ADGRL2: variants seen among roughly 807,000 people sequenced by gnomAD.
ADGRL2 encodes the protein adhesion G protein-coupled receptor L2, also known as calcium-independent alpha-latrotoxin receptor 2.
ADGRL2 carries 44 observed loss-of-function variants against 157.4 expected under a neutral mutation model. That is an observed-to-expected ratio of 0.28 (90% CI 0.22 to 0.36). ADGRL2 has a LOEUF of 0.36. Ranked by LOEUF, ADGRL2 falls within the 10% of genes least tolerant of loss-of-function variation. ADGRL2 has a pLI of 1.00. For missense variants in ADGRL2, 1,510 were observed against 1,768.9 expected (o/e 0.85, Z 2.63); for synonymous variants, 585 against 624.7 (o/e 0.94, Z 0.95).
intron 3 of ADGRL2, among the ~76,000 whole-genome samples, chr1:81,928,776 A>T (rs17107493): frequency 0.031 from 4,712 of 152,148 alleles, 104 homozygotes; most frequent in South Asian, 0.12. Flanking sequence ...AATCCTGTGT[A>T]TGTTTTGTTT....
At chr1:81,713,707 T>C (rs1465781280) in intron 1 of ADGRL2, among the ~76,000 whole-genome samples, 1 of 152,162 alleles carries the variant, frequency 6.6e-6, no homozygotes, top group Admixed American at 6.5e-5. Flanking sequence ...ATGCTGCTGA[T>C]GAAAAATTGG....
At chr1:81,554,223 G>A (rs2080217737) in intron 2 of ADGRL2, among the ~76,000 whole-genome samples, 1 of 152,210 alleles carries the variant, frequency 6.6e-6, no homozygotes, top group Non-Finnish European at 1.5e-5. Flanking sequence ...AGCCACACCT[G>A]TAGGGATTCC....
chr1:81,448,129 C>G (rs375569738), intron 2 of ADGRL2, among the ~76,000 whole-genome samples: 2 of 134,692 alleles, frequency 1.5e-5, no homozygotes, highest in Non-Finnish European at 3.2e-5. Context: ...TTTTCTTTTT[C>G]TTTCTTTCTT....
intron 4 of ADGRL2, among the ~76,000 whole-genome samples, 160 bp from the exon 5 acceptor site, chr1:81,941,871 CTGT>C (rs1283087755): frequency 1.3e-5 from 2 of 151,800 alleles, no homozygotes; most frequent in African/African-American, 4.8e-5. Flanking sequence ...CTAGGTTTTC[CTGT>C]TGTGTGTTTC....
In ADGRL2 at chr1:81,690,853, C is replaced by G. The variant is rs544948792; in HGVS notation, c.-142-70958C>G. On this transcript the variant is annotated intron_variant, in intron 3 of 24. Coordinates refer to the ADGRL2 transcript ENST00000370721. ...GGTAGGTACATTCAGAATACGACTT[C>G]AAGAGGTTTATTTCCCGTTTGTAAT... is the stretch of plus-strand genomic sequence containing the variant. 2.5e-3 allele frequency among the ~76,000 whole-genome samples: 378 copies of G among 152,310 alleles called. 1 individual carries two copies. The highest frequency in any genetic ancestry group is 8.7e-3 in the African/African-American group (361 of 41,574).
At chr1:81,828,696 A>T (rs1187981777) in intron 1 of ADGRL2, among the ~76,000 whole-genome samples, 1 of 152,124 alleles carries the variant, frequency 6.6e-6, no homozygotes, top group Non-Finnish European at 1.5e-5. Flanking sequence ...TTTAAAGTTG[A>T]AAAAGCTCTT....
In ADGRL2 at chr1:81,970,304, T is replaced by C. The variant is rs1329701020; in HGVS notation, c.2734-10T>C. Reference sequence around the variant, plus strand: ...TTTTCTTTTGTGTTTTTTGTTCTTTTCCCCCGTAGATTGCATGCCCAATAT... The same window carrying C: ...TTTTCTTTTGTGTTTTTTGTTCTTTCCCCCCGTAGATTGCATGCCCAATAT... On this transcript the variant is annotated splice_polypyrimidine_tract_variant and intron_variant, in intron 15 of 23. Transcript: ENST00000686636. 8 of 1,600,984 alleles carry C rather than the reference T, an allele frequency of 5.0e-6. No individual in the cohort carries two copies. The African/African-American group carries it at 1.1e-4, about 22-fold the overall frequency.
intron 3 of ADGRL2, among the ~76,000 whole-genome samples, chr1:81,688,990 G>T (rs2083281754): frequency 1.3e-5 from 2 of 152,132 alleles, no homozygotes; most frequent in Non-Finnish European, 2.9e-5. Context: ...CTGGTACTGG[G>T]GATTGTCTGC....
rs138125465 is a variant in ADGRL2, at chr1:81,950,298, A to T, written c.1320A>T (p.Gly440=). ...GCCCCATGAGCACAACTGTAGCTGG[A>T]TCACAGGAAGGAAGCAAAGGGACAA... ...QKGPMSTTVA[G]SQEGSKGTKP... is the part of the protein sequence containing the mutation. The change falls in exon 7 of 24, where the codon GGA becomes GGT. Residue 440 remains glycine, a synonymous_variant. Transcript: ENST00000686636. 35,294 of 1,614,064 alleles carry T rather than the reference A, an allele frequency of 0.022. 565 individuals carry two copies. Among genetic ancestry groups the T allele is most frequent in the South Asian group, 0.052 (4,755 of 91,082 alleles).
At chr1:81,386,277 C>T (rs1400559867) in intron 1 of ADGRL2, among the ~76,000 whole-genome samples, 1 of 152,018 alleles carries the variant, frequency 6.6e-6, no homozygotes, top group African/African-American at 2.4e-5. Context: ...AAGCAGGAAA[C>T]CATTTAGAGT....
intron 1 of ADGRL2, among the ~76,000 whole-genome samples, chr1:81,322,825 G>A (rs1253443249): frequency 6.6e-6 from 1 of 152,016 alleles, no homozygotes; most frequent in Non-Finnish European, 1.5e-5. Flanking sequence ...ATAAACAATG[G>A]ATATGGATCA....
At chr1:81,343,048 A>G (rs1662188376) in intron 1 of ADGRL2, among the ~76,000 whole-genome samples, 1 of 151,740 alleles carries the variant, frequency 6.6e-6, no homozygotes, top group Admixed American at 6.6e-5. Context: ...TTATTATACA[A>G]CAATCTTTCT....
chr1:81,468,126 A>T (rs1435473319), intron 2 of ADGRL2, among the ~76,000 whole-genome samples: 28 of 152,140 alleles, frequency 1.8e-4, no homozygotes, highest in Non-Finnish European at 1.5e-5. Context: ...TTGTTTTTCT[A>T]GGGAAAAGAA....
intron 11 of ADGRL2, among the ~76,000 whole-genome samples, chr1:81,957,254 G>C (rs1653804690): frequency 6.7e-6 from 1 of 150,036 alleles, no homozygotes; most frequent in Admixed American, 6.6e-5. Context: ...CATGGGCTGG[G>C]TTCACATCTA....
At chr1:81,560,652 A>G (rs1400271400) in intron 2 of ADGRL2, among the ~76,000 whole-genome samples, 1 of 152,164 alleles carries the variant, frequency 6.6e-6, no homozygotes, top group Non-Finnish European at 1.5e-5. Flanking sequence ...TGTTCAAATC[A>G]AGATGTGTTA....
At chr1:81,923,649 AT>A (rs2095040031) in intron 3 of ADGRL2, among the ~76,000 whole-genome samples, 2 of 152,162 alleles carry the variant, frequency 1.3e-5, no homozygotes, top group Admixed American at 6.6e-5. Flanking sequence ...ACCTGAAGAC[AT>A]TTTGAATTGT....
chr1:81,990,185 A>C (rs547888752), intron 23 of ADGRL2: 3 of 985,034 alleles, frequency 3.0e-6, no homozygotes, highest in African/African-American at 1.7e-5. Context: ...CCTGGAAAAC[A>C]GTATTATTTT....
At chr1:81,857,399 C>T (rs1187009477) in intron 2 of ADGRL2, among the ~76,000 whole-genome samples, 1 of 152,176 alleles carries the variant, frequency 6.6e-6, no homozygotes, top group Non-Finnish European at 1.5e-5. Flanking sequence ...TGTATAAGCA[C>T]TGTTCACACT....
intron 1 of ADGRL2, among the ~76,000 whole-genome samples, chr1:81,718,401 T>C (rs2084187281): frequency 6.6e-6 from 1 of 152,052 alleles, no homozygotes; most frequent in Admixed American, 6.6e-5. Context: ...GATCTGTTTG[T>C]AGTTCATGTT....
Sources: gnomAD v4.1 joint callset for allele counts (sites outside exome capture counted in the v4.1 genomes callset) on GRCh38, gnomAD v4.1.1 for gene constraint, MANE v1.5 for transcripts, NCBI Gene and HGNC (gene_info 2026-07-23, HGNC 2026-07-21) for gene names.